SETX: variants seen among roughly 807,000 people sequenced by gnomAD.
The protein encoded by SETX is helicase senataxin.
SETX carries 90 observed loss-of-function variants against 227.2 expected under a neutral mutation model. The ratio of observed to expected loss-of-function variants is 0.40; its 90% CI spans 0.33 to 0.47. The LOEUF (loss-of-function observed/expected upper bound fraction) is 0.47, where lower values mean the gene tolerates loss of function less well. Among genes scored for constraint, SETX ranks in the 20% least tolerant of loss-of-function variants. SETX has a pLI of 0.91. For synonymous variants in SETX, 1,210 were observed against 1,113.2 expected (o/e 1.09, Z -1.73); for missense variants, 3,052 against 3,181.5 (o/e 0.96, Z 0.98).
Position 132,278,120 on chromosome 9 carries a change from T to C in SETX, c.6792A>G (p.Ile2264Met), listed in dbSNP as rs148041889. 1.9e-6 allele frequency: 3 copies of C among 1,614,150 alleles called. No individual in the cohort carries two copies. The highest frequency in any genetic ancestry group is 8.5e-7 in the Non-Finnish European group (1 of 1,180,008). ...LTVQYRMHPD[I>M]CLFPSNYVYN... ...AAACATAATTAGAAGGGAAGAGGCATATGTCTGGATGCATCCTGTACTGAA... is the reference window on the plus strand; with the variant it reads ...AAACATAATTAGAAGGGAAGAGGCACATGTCTGGATGCATCCTGTACTGAA... The change falls in exon 21 of 26, where the codon ATA becomes ATG. Residue 2264 changes from isoleucine to methionine, a missense_variant. Coordinates refer to ENST00000224140, the MANE Select transcript of SETX (RefSeq NM_015046.7).
rs973191652 is a variant in SETX, at chr9:132,272,149, C to T, written c.7101-341G>A. Reference sequence around the variant, plus strand: ...CCTCCCAAAGTGCTGGGATTACAGGCGTGAGCCACCGCGTCCGGCTTAGTT... The same window carrying T: ...CCTCCCAAAGTGCTGGGATTACAGGTGTGAGCCACCGCGTCCGGCTTAGTT... On this transcript the variant is annotated intron_variant, in intron 23 of 25. Transcript: ENST00000224140. 1.1e-4 allele frequency among the ~76,000 whole-genome samples: 16 copies of T among 152,222 alleles called. No homozygotes were observed. In the South Asian group the frequency reaches 1.9e-3, roughly 18 times the overall value.
chr9:132,320,715 G>A (rs1019961340), intron 10 of SETX, among the ~76,000 whole-genome samples: 4 of 151,846 alleles, frequency 2.6e-5, no homozygotes, highest in African/African-American at 9.7e-5. Flanking sequence ...AAAAAGAAAG[G>A]TGTAACTTCA....
intron 2 of SETX, among the ~76,000 whole-genome samples, chr9:132,349,969 A>G (rs1314885658): frequency 6.6e-6 from 1 of 152,180 alleles, no homozygotes; most frequent in African/African-American, 2.4e-5. Context: ...GAGACACAAT[A>G]TATTGGTGGT....
chr9:132,333,814 TCAATACAGTACA>T (rs1452205329), intron 7 of SETX, among the ~76,000 whole-genome samples: 1 of 152,208 alleles, frequency 6.6e-6, no homozygotes, highest in African/African-American at 2.4e-5. Flanking sequence ...TCTGCATTGT[TCAATACAGTACA>T]GGATAGAGTA....
chr9:132,304,470 T>C (rs1158790569), intron 11 of SETX, among the ~76,000 whole-genome samples: 3 of 147,830 alleles, frequency 2.0e-5, no homozygotes, highest in African/African-American at 5.0e-5. Flanking sequence ...ACCTCAGAAA[T>C]AGAAATAAAA....
At chr9:132,265,415 C>T (rs1050096986) in intron 25 of SETX, among the ~76,000 whole-genome samples, 1 of 151,702 alleles carries the variant, frequency 6.6e-6, no homozygotes, top group Non-Finnish European at 1.5e-5. Flanking sequence ...TTAGTAGAGA[C>T]GGGGTTTCAT....
chr9:132,323,879 G>A (rs549013431), intron 10 of SETX, among the ~76,000 whole-genome samples: 1 of 152,044 alleles, frequency 6.6e-6, no homozygotes, highest in South Asian at 2.1e-4. Context: ...CTCCAGCCTG[G>A]GGGACAGGAG....
At chr9:132,339,225 T>G (rs1480833661) in intron 5 of SETX, among the ~76,000 whole-genome samples, 1 of 152,212 alleles carries the variant, frequency 6.6e-6, no homozygotes, top group Non-Finnish European at 1.5e-5. Context: ...GGCTCATGCA[T>G]GTAATCTCAA....
intron 3 of SETX, among the ~76,000 whole-genome samples, chr9:132,348,479 C>A (rs1848434641): frequency 6.6e-6 from 1 of 152,046 alleles, no homozygotes; most frequent in Non-Finnish European, 1.5e-5. Context: ...CAAATCCCCT[C>A]CCAATGACTT....
intron 10 of SETX, among the ~76,000 whole-genome samples, chr9:132,322,027 C>A (rs984056696): frequency 6.6e-6 from 1 of 152,074 alleles, no homozygotes; most frequent in African/African-American, 2.4e-5. Flanking sequence ...CAAAACCTTA[C>A]CATGAAGAAT....
intron 10 of SETX, among the ~76,000 whole-genome samples, chr9:132,317,409 C>T (rs1451726250): frequency 3.3e-5 from 5 of 152,200 alleles, no homozygotes; most frequent in African/African-American, 9.7e-5. Flanking sequence ...ATATCTGTAG[C>T]AGCTGTCATC....
chr9:132,310,424 A>G (rs1285900216), intron 11 of SETX, among the ~76,000 whole-genome samples: 2 of 152,372 alleles, frequency 1.3e-5, no homozygotes, highest in Admixed American at 1.3e-4. Flanking sequence ...ATGCATTCAG[A>G]AGAACACTAA....
At chr9:132,324,131 A>T (rs1322822212) in intron 10 of SETX, among the ~76,000 whole-genome samples, 1 of 151,968 alleles carries the variant, frequency 6.6e-6, no homozygotes, top group Non-Finnish European at 1.5e-5. Context: ...AAATCTTAAT[A>T]AATATCTTTT....
intron 11 of SETX, among the ~76,000 whole-genome samples, chr9:132,302,081 G>C (rs1003014189): frequency 1.3e-5 from 2 of 152,224 alleles, no homozygotes; most frequent in African/African-American, 4.8e-5. Context: ...ATGGCCGCCA[G>C]GCACAGTGGC....
rs771424218 is a variant in SETX, at chr9:132,271,824, A to G, written c.7101-16T>C. The G allele has an allele frequency of 8.8e-6, 14 of 1,593,396 alleles. No homozygotes were observed. The East Asian group carries it at 1.1e-4, about 13-fold the overall frequency. ...TTCTGCTGGTCTATTTACAAAAGAG[A>G]AACATATTTACTGGAAAAAGGAAGA... On this transcript the variant is annotated splice_polypyrimidine_tract_variant and intron_variant, in intron 23 of 25. Coordinates refer to ENST00000224140, the MANE Select transcript of SETX (RefSeq NM_015046.7).
At chr9:132,298,806 G>T (rs1489561953) in intron 12 of SETX, among the ~76,000 whole-genome samples, 2 of 152,158 alleles carry the variant, frequency 1.3e-5, no homozygotes, top group Admixed American at 1.3e-4. Context: ...AACGCTTAGC[G>T]ACTCAGAGTA....
chr9:132,307,928 C>T lies in SETX; in HGVS notation c.5374+3829G>A, dbSNP rs540097575. Among the ~76,000 whole-genome samples the T allele has an allele frequency of 6.6e-5, 10 of 152,216 alleles. No homozygotes were observed. In the East Asian group the frequency reaches 1.5e-3, roughly 23 times the overall value. On this transcript the variant is annotated intron_variant, in intron 11 of 25. Coordinates refer to ENST00000224140, the MANE Select transcript of SETX (RefSeq NM_015046.7). ...TCCTGACCTCAGGTGATCTGCCCCT[C>T]GGCCTCCCAAAGTGCTGGGATTACA...
chr9:132,350,121 C>T (rs1391502517), intron 2 of SETX, among the ~76,000 whole-genome samples: 2 of 152,098 alleles, frequency 1.3e-5, no homozygotes, highest in Non-Finnish European at 2.9e-5. Context: ...GGGAGGCCGA[C>T]GTGGGCAGAC....
At chr9:132,325,906 C>T (rs1846711955) in intron 10 of SETX, among the ~76,000 whole-genome samples, 1 of 148,326 alleles carries the variant, frequency 6.7e-6, no homozygotes, top group Non-Finnish European at 1.5e-5. Flanking sequence ...GCACTCCAGC[C>T]TGGGCAGCAA....
Sources: allele counts gnomAD v4.1 joint callset (sites outside exome capture counted in the v4.1 genomes callset), GRCh38; gene constraint gnomAD v4.1.1; transcripts MANE v1.5; gene names NCBI Gene and HGNC (gene_info 2026-07-23, HGNC 2026-07-21).